The following NSUN2 variants were observed in gnomAD, a reference collection of about 807,000 sequenced individuals.
NSUN2 encodes the protein NOP2/Sun RNA methyltransferase 2, also known as RNA cytosine C(5)-methyltransferase NSUN2.
A neutral mutation model predicts 92.7 loss-of-function variants in NSUN2; 63 were observed. That is an observed-to-expected ratio of 0.68 (90% CI 0.56 to 0.84). NSUN2 has a LOEUF of 0.84. Ranked by LOEUF, NSUN2 falls within the 40% of genes least tolerant of loss-of-function variation. The probability of loss-of-function intolerance (pLI) is 0.00; values close to 1 mark genes in which losing one functional copy is unlikely to be tolerated. For missense variants in NSUN2, 989 were observed against 964.9 expected (o/e 1.02, Z -0.33); for synonymous variants, 356 against 348.3 (o/e 1.02, Z -0.25).
chr5:6,616,354 A>C (rs1380326679), intron 9 of NSUN2, among the ~76,000 whole-genome samples: 4 of 152,248 alleles, frequency 2.6e-5, no homozygotes, highest in Admixed American at 6.5e-5. Context: ...ACAGACAACA[A>C]CACAAGTGAG....
chr5:6,628,263 A>G, intron 3 of NSUN2, among the ~76,000 whole-genome samples: 1 of 152,154 alleles, frequency 6.6e-6, no homozygotes, highest in East Asian at 1.9e-4. Context: ...TGGGAGGATC[A>G]CCTGAGCCCA....
At chr5:6,605,519 G>A (rs919136507) in intron 14 of NSUN2, 111 bp from the exon 15 acceptor site, 3 of 1,131,904 alleles carry the variant, frequency 2.7e-6, no homozygotes, top group Non-Finnish European at 3.9e-6. Context: ...CTGCAGTGTG[G>A]TTCAAGGGCA....
chr5:6,630,725 C>T (rs527333536), intron 3 of NSUN2, among the ~76,000 whole-genome samples: 64 of 152,210 alleles, frequency 4.2e-4, no homozygotes, highest in African/African-American at 1.4e-3. Flanking sequence ...CCTTGATTTG[C>T]GAACACTAAA....
intron 17 of NSUN2, 94 bp downstream of exon 17, chr5:6,604,044 A>T: frequency 2.7e-6 from 3 of 1,108,148 alleles, no homozygotes. Flanking sequence ...GAAAACTATG[A>T]TTGATAAATA....
intron 11 of NSUN2, among the ~76,000 whole-genome samples, chr5:6,610,326 C>T (rs1319939860): frequency 6.6e-6 from 1 of 152,066 alleles, no homozygotes; most frequent in African/African-American, 2.4e-5. Flanking sequence ...ATCCATCAGC[C>T]TTGGCCTCCC....
At chr5:6,602,797 G>A (rs1236075912) in intron 17 of NSUN2, among the ~76,000 whole-genome samples, 1 of 152,180 alleles carries the variant, frequency 6.6e-6, no homozygotes, top group Non-Finnish European at 1.5e-5. Flanking sequence ...GGGATTAACT[G>A]CTGGTTAATT....
chr5:6,610,569 A>T (rs909355954), intron 11 of NSUN2, among the ~76,000 whole-genome samples: 3 of 151,876 alleles, frequency 2.0e-5, no homozygotes, highest in African/African-American at 7.3e-5. Flanking sequence ...CTGTAATCCC[A>T]GCTACTTGGG....
chr5:6,625,245 G>C (rs1737611092), intron 4 of NSUN2, among the ~76,000 whole-genome samples: 1 of 152,160 alleles, frequency 6.6e-6, no homozygotes, highest in South Asian at 2.1e-4. Flanking sequence ...ACAGGCATCT[G>C]AAATGTGTAC....
chr5:6,618,073 T>A (rs10475338), intron 7 of NSUN2, 49 bp from the exon 8 acceptor site: 1 of 1,255,450 alleles, frequency 8.0e-7, no homozygotes, highest in South Asian at 1.2e-5. Flanking sequence ...GGTGGATGAC[T>A]GCACTTTAAC....
chr5:6,622,126 C>T, intron 5 of NSUN2, 26 bp from the exon 6 acceptor site: 1 of 1,579,130 alleles, frequency 6.3e-7, no homozygotes, highest in Non-Finnish European at 8.6e-7. Flanking sequence ...GAAACTGTTT[C>T]ATGTTTTTAA....
chr5:6,610,060 C>A, intron 11 of NSUN2, 138 bp from the exon 12 acceptor site: 1 of 538,510 alleles, frequency 1.9e-6, no homozygotes, highest in Admixed American at 3.8e-5. Flanking sequence ...AATATGTAAA[C>A]TTAAATTTTT....
Position 6,607,188 on chromosome 5 carries a change from C to T in NSUN2, c.1508+12G>A. The stretch of plus-strand genomic sequence containing the variant: ...CCAGCGTATTAGATCAAGACATAAC[C>T]ACTTTTCTTACCCACACACGCCATC... On this transcript the variant is annotated intron_variant, in intron 13 of 18. Coordinates refer to ENST00000264670, the MANE Select transcript of NSUN2 (RefSeq NM_017755.6). 1 of 1,613,376 alleles carries T rather than the reference C, an allele frequency of 6.2e-7. No homozygotes were observed. The highest frequency in any genetic ancestry group is 8.5e-7 in the Non-Finnish European group (1 of 1,179,372).
rs527591473 is a variant in NSUN2, at chr5:6,618,449, T to G, written c.816-425A>C. On this transcript the variant is annotated intron_variant, in intron 7 of 18. Transcript: ENST00000264670. ...ATTTTCCACAGTTAAGCTAATATAT[T>G]AGCTAAATTTTTCCTACAATCACAG... Among the ~76,000 whole-genome samples the G allele has an allele frequency of 9.8e-5, 15 of 152,308 alleles. No homozygotes were observed. The East Asian group carries it at 2.7e-3, about 27-fold the overall frequency.
chr5:6,615,609 G>A (rs529622980), intron 9 of NSUN2, among the ~76,000 whole-genome samples: 35 of 76,682 alleles, frequency 4.6e-4, no homozygotes, highest in Non-Finnish European at 9.1e-4. Flanking sequence ...TTAAAGGACC[G>A]TGAAGGCCAT....
chr5:6,616,663 T>C (rs1737222900), intron 9 of NSUN2, 64 bp downstream of exon 9: 1 of 169,286 alleles, frequency 5.9e-6, no homozygotes, highest in Non-Finnish European at 8.7e-6. Flanking sequence ...GTTATGTGTA[T>C]TGTACCATAC....
At chr5:6,601,341 C>T (rs1462953868) in intron 18 of NSUN2, among the ~76,000 whole-genome samples, 3 of 152,100 alleles carry the variant, frequency 2.0e-5, no homozygotes, top group Admixed American at 1.3e-4. Flanking sequence ...TTCAAACTCT[C>T]GTTAAAAACA....
At chr5:6,620,536 T>C (rs562326065) in intron 6 of NSUN2, 19 of 381,670 alleles carry the variant, frequency 5.0e-5, no homozygotes, top group African/African-American at 3.7e-4. Flanking sequence ...TCAACAATTA[T>C]TCACTTTGTG....
Position 6,620,142 on chromosome 5 carries a change from A to T in NSUN2, c.779T>A (p.Leu260His), listed in dbSNP as rs745956596. 6.2e-7 allele frequency: 1 copy of T among 1,607,142 alleles called. No homozygotes were observed. The highest frequency in any genetic ancestry group is 8.5e-7 in the Non-Finnish European group (1 of 1,177,664). ...QIDVDGRKEILFYDRILCDVP... is the reference protein window; with the variant it reads ...QIDVDGRKEIHFYDRILCDVP... ...ATCACATAAAATTCGATCATAGAAG[A>T]GGATCTCTTTCCTGCCGTCCACATC... The change falls in exon 7 of 19, where the codon CTC becomes CAC. Residue 260 changes from leucine to histidine, a missense_variant. Coordinates refer to ENST00000264670, the MANE Select transcript of NSUN2 (RefSeq NM_017755.6).
At chr5:6,620,064 T>C in intron 7 of NSUN2, 42 bp downstream of exon 7, 3 of 1,457,930 alleles carry the variant, frequency 2.1e-6, no homozygotes, top group Non-Finnish European at 2.8e-6. Context: ...TTGACTTGAT[T>C]TCTTTAGTGG....
Sources: gnomAD v4.1 joint callset for allele counts (sites outside exome capture counted in the v4.1 genomes callset) on GRCh38, gnomAD v4.1.1 for gene constraint, MANE v1.5 for transcripts, NCBI Gene and HGNC (gene_info 2026-07-23, HGNC 2026-07-21) for gene names.